The following DIP2C variants were observed in gnomAD, a reference collection of about 807,000 sequenced individuals.
DIP2C encodes disco-interacting protein 2 homolog C.
Under a neutral mutation model 192.4 loss-of-function variants are expected in DIP2C, and 33 were observed. The observed-to-expected ratio is 0.17, with a 90% confidence interval of 0.13 to 0.23. The LOEUF (loss-of-function observed/expected upper bound fraction) is 0.23. DIP2C is among the 10% of genes least tolerant of loss of function. DIP2C has a pLI of 1.00. For missense variants in DIP2C, 1,537 were observed against 2,110.1 expected (o/e 0.73, Z 5.32); for synonymous variants, 979 against 864.1 (o/e 1.13, Z -2.33).
At chr10:510,622 C>CAA (rs1383994074) in intron 1 of DIP2C, among the ~76,000 whole-genome samples, 1 of 152,198 alleles carries the variant, frequency 6.6e-6, no homozygotes, top group East Asian at 1.9e-4. Context: ...GACAGCAGAG[C>CAA]AATGGGGATA....
intron 1 of DIP2C, among the ~76,000 whole-genome samples, chr10:606,204 A>G (rs1230031658): frequency 2.0e-5 from 3 of 152,200 alleles, no homozygotes; most frequent in African/African-American, 7.2e-5. Flanking sequence ...GGTGCCAGCC[A>G]CGGCCCAGCA....
chr10:546,510 GT>G (rs1407048027), intron 1 of DIP2C, among the ~76,000 whole-genome samples: 2 of 152,194 alleles, frequency 1.3e-5, no homozygotes, highest in Non-Finnish European at 2.9e-5. Flanking sequence ...TATGAAAAAT[GT>G]CTGATCCCAT....
intron 1 of DIP2C, among the ~76,000 whole-genome samples, chr10:619,222 T>C (rs1197447329): frequency 1.3e-5 from 2 of 152,210 alleles, no homozygotes; most frequent in African/African-American, 4.8e-5. Flanking sequence ...TGCACCTTCG[T>C]GGGCTAGTTT....
In DIP2C at chr10:505,663, GC is replaced by G. The variant is rs372520201; in HGVS notation, c.86-19134del. 2.3e-4 allele frequency among the ~76,000 whole-genome samples: 35 copies of G among 150,336 alleles called. No individual in the cohort carries two copies. In the South Asian group the frequency reaches 7.2e-3, roughly 31 times the overall value. Reference sequence around the variant, plus strand: ...TGACACCAGGGAGATGGAGCCACCTGCCCAGCTGTGCTTCCTGTGGGTGCCC... The same window carrying G: ...TGACACCAGGGAGATGGAGCCACCTGCCAGCTGTGCTTCCTGTGGGTGCCC... On this transcript the variant is annotated intron_variant, in intron 1 of 36. Transcript: ENST00000280886.
chr10:519,318 T>C (rs1846552567), intron 1 of DIP2C, among the ~76,000 whole-genome samples: 1 of 152,162 alleles, frequency 6.6e-6, no homozygotes, highest in African/African-American at 2.4e-5. Flanking sequence ...GTGGATGCCA[T>C]GGAAGGAAAT....
intron 1 of DIP2C, among the ~76,000 whole-genome samples, chr10:538,928 A>C (rs1316205726): frequency 2.6e-5 from 4 of 151,288 alleles, no homozygotes; most frequent in African/African-American, 7.4e-5. Flanking sequence ...TGCTATATGA[A>C]CCTCAGTTGT....
chr10:405,403 G>T (rs184125441), intron 9 of DIP2C, among the ~76,000 whole-genome samples: 2 of 152,330 alleles, frequency 1.3e-5, no homozygotes, highest in African/African-American at 4.8e-5. Context: ...AATAAAAGCA[G>T]AATATAAAAT....
At chr10:534,408 A>ATT (rs1434201021) in intron 1 of DIP2C, among the ~76,000 whole-genome samples, 3 of 152,240 alleles carry the variant, frequency 2.0e-5, no homozygotes, top group African/African-American at 7.2e-5. Flanking sequence ...GGCAAATGCC[A>ATT]ACCAGCCCCG....
At chr10:325,897 A>G (rs1957250562) in intron 31 of DIP2C, among the ~76,000 whole-genome samples, 1 of 152,156 alleles carries the variant, frequency 6.6e-6, no homozygotes, top group South Asian at 2.1e-4. Flanking sequence ...AAATTAAAAA[A>G]AAGGCCGGGT....
intron 8 of DIP2C, among the ~76,000 whole-genome samples, chr10:413,296 T>C (rs1292603473): frequency 6.6e-6 from 1 of 152,224 alleles, no homozygotes; most frequent in Non-Finnish European, 1.5e-5. Flanking sequence ...TACTGAAGAC[T>C]TAAGGGAAAG....
chr10:404,334 G>A (rs371953619), intron 9 of DIP2C, among the ~76,000 whole-genome samples: 5 of 151,462 alleles, frequency 3.3e-5, no homozygotes, highest in African/African-American at 9.7e-5. Flanking sequence ...TCAGCCTCCC[G>A]AATAGCTAGG....
chr10:467,543 T>A (rs9702196), intron 3 of DIP2C, among the ~76,000 whole-genome samples: 7 of 21,726 alleles, frequency 3.2e-4, no homozygotes, highest in East Asian at 2.9e-3. Context: ...AAAAAATAAA[T>A]AAAATAAAAA....
intron 2 of DIP2C, among the ~76,000 whole-genome samples, chr10:478,792 C>G (rs372296637): frequency 2.8e-4 from 42 of 152,086 alleles, no homozygotes; most frequent in African/African-American, 1.0e-3. Context: ...CAGATACATC[C>G]AAATTCCCAT....
chr10:425,440 A>G, intron 4 of DIP2C, among the ~76,000 whole-genome samples: 1 of 150,922 alleles, frequency 6.6e-6, no homozygotes, highest in African/African-American at 2.5e-5. Context: ...GACTAATATG[A>G]CACGGATGAT....
intron 4 of DIP2C, among the ~76,000 whole-genome samples, chr10:426,772 A>C (rs1445660018): frequency 6.6e-6 from 1 of 152,222 alleles, no homozygotes; most frequent in Non-Finnish European, 1.5e-5. Flanking sequence ...TTTTTCAACA[A>C]ATGTTGCTGT....
chr10:304,581 A>G (rs1956217237), intron 32 of DIP2C, among the ~76,000 whole-genome samples: 1 of 152,146 alleles, frequency 6.6e-6, no homozygotes, highest in Non-Finnish European at 1.5e-5. Flanking sequence ...ACACTTCCAC[A>G]TATATGCATG....
chr10:645,859 C>T (rs1855421076), intron 1 of DIP2C, among the ~76,000 whole-genome samples: 1 of 152,214 alleles, frequency 6.6e-6, no homozygotes, highest in Non-Finnish European at 1.5e-5. Flanking sequence ...GGAAACACTG[C>T]TGACCACTAG....
chr10:611,203 T>C (rs200388929), intron 1 of DIP2C, among the ~76,000 whole-genome samples: 1 of 24,270 alleles, frequency 4.1e-5, no homozygotes, highest in Non-Finnish European at 9.9e-4. Flanking sequence ...TCCCCTTCAC[T>C]CTCTCTTTCC....
intron 1 of DIP2C, among the ~76,000 whole-genome samples, chr10:524,106 GA>G (rs11367363): frequency 0.99 from 150,917 of 152,258 alleles, 74,803 homozygotes; most frequent in Non-Finnish European, 1. Flanking sequence ...ACCCCTTCAG[GA>G]AGGAGTCCCT....
Sources: allele counts gnomAD v4.1 joint callset (sites outside exome capture counted in the v4.1 genomes callset), GRCh38; gene constraint gnomAD v4.1.1; transcripts MANE v1.5; gene names NCBI Gene and HGNC (gene_info 2026-07-23, HGNC 2026-07-21).